The following GIT2 variants were observed in gnomAD, a reference collection of about 807,000 sequenced individuals.
The protein encoded by GIT2 is GIT ArfGAP 2.
GIT2 carries 32 observed loss-of-function variants against 100.3 expected under a neutral mutation model. The observed-to-expected ratio is 0.32, with a 90% CI of 0.24 to 0.43. GIT2 has a LOEUF of 0.43. Among genes scored for constraint, GIT2 ranks in the 20% least tolerant of loss-of-function variants. The probability of loss-of-function intolerance (pLI) is 1.00; values close to 1 mark genes in which losing one functional copy is unlikely to be tolerated. For synonymous variants in GIT2, 353 were observed against 364.1 expected (o/e 0.97, Z 0.35); for missense variants, 737 against 975.1 (o/e 0.76, Z 3.25).
chr12:109,996,030 G>C (rs1889346484), intron 1 of GIT2, 143 bp downstream of exon 1: 1 of 530,256 alleles, frequency 1.9e-6, no homozygotes. Flanking sequence ...ACAGGCCCGG[G>C]ACGGTTCCCA....
At chr12:109,956,776 G>A (rs1424014055) in intron 12 of GIT2, among the ~76,000 whole-genome samples, 1 of 152,034 alleles carries the variant, frequency 6.6e-6, no homozygotes, top group Non-Finnish European at 1.5e-5. Context: ...CAGCACTTTG[G>A]GAGGCTGAGG....
chr12:109,935,206 C>T (rs1392697552), intron 18 of GIT2, among the ~76,000 whole-genome samples: 1 of 152,160 alleles, frequency 6.6e-6, no homozygotes. Flanking sequence ...GAATCACAAA[C>T]CATTTAATAA....
chr12:109,998,638 A>G (rs1176961032), upstream of GIT2: 1 of 152,246 alleles, frequency 6.6e-6, no homozygotes, highest in Non-Finnish European at 1.5e-5. Flanking sequence ...CCTTTCAGCC[A>G]TAACCTCAAA....
upstream of GIT2, chr12:109,996,478 C>A (rs1889458337): frequency 2.1e-6 from 1 of 486,974 alleles, no homozygotes. Flanking sequence ...GCCCGAGTAT[C>A]ATCTGTCCTA....
At chr12:109,952,454 T>C in intron 13 of GIT2, 1 of 517,262 alleles carries the variant, frequency 1.9e-6, no homozygotes, top group South Asian at 1.4e-5. Context: ...TCCCCAGACA[T>C]GGCATCCTGG....
intron 8 of GIT2, among the ~76,000 whole-genome samples, chr12:109,965,954 C>T (rs894314951): frequency 1.3e-5 from 2 of 149,524 alleles, no homozygotes; most frequent in Non-Finnish European, 3.0e-5. Flanking sequence ...AATCCCAGCA[C>T]GTTGGGAGGC....
At chr12:109,996,051 G>C in intron 1 of GIT2, 122 bp downstream of exon 1, 1 of 621,440 alleles carries the variant, frequency 1.6e-6, no homozygotes, top group Non-Finnish European at 2.6e-6. Flanking sequence ...CCCCAAGGCC[G>C]CCCAGGGACC....
Position 109,932,835 on chromosome 12 carries a change from A to G in GIT2, c.*143T>C, listed in dbSNP as rs1202007783. 3 of 614,080 alleles carry G rather than the reference A, an allele frequency of 4.9e-6. No individual in the cohort carries two copies. The African/African-American group carries it at 5.5e-5, about 11-fold the overall frequency. 38.0% of individuals were successfully genotyped at this position (614,080 alleles called of 1,614,324 possible). ...TTGAAAATTGGTTAGAAAACATGCA[A>G]AAATAATACTGAGTTTTCTTTTAAA... On this transcript the variant is annotated 3_prime_UTR_variant, in exon 20 of 20. Coordinates refer to ENST00000355312, the MANE Select transcript of GIT2 (RefSeq NM_057169.5).
intron 16 of GIT2, among the ~76,000 whole-genome samples, chr12:109,941,541 T>G (rs79896132): frequency 6.6e-6 from 1 of 151,932 alleles, no homozygotes; most frequent in East Asian, 1.9e-4. Flanking sequence ...TTTTTTTTTT[T>G]GAGATTGAGT....
At chr12:109,944,936 A>G (rs1398485833) in intron 16 of GIT2, among the ~76,000 whole-genome samples, 2 of 152,188 alleles carry the variant, frequency 1.3e-5, no homozygotes, top group East Asian at 1.9e-4. Context: ...GCCTATTATA[A>G]TATCTAACCA....
Position 109,932,939 on chromosome 12 carries a change from T to C in GIT2, c.*39A>G. ...CGTCTGAATTTGAAATTGGACTTTA[T>C]AAAGCCTAGAAAACAGAGGAGGCGG... is the stretch of plus-strand genomic sequence containing the variant. On this transcript the variant is annotated 3_prime_UTR_variant, in exon 20 of 20. Transcript: ENST00000355312. 8.6e-7 allele frequency: 1 copy of C among 1,160,488 alleles called. No homozygotes were observed. The highest frequency in any genetic ancestry group is 2.4e-5 in the East Asian group (1 of 42,484). 71.9% of individuals were successfully genotyped at this position (1,160,488 alleles called of 1,614,324 possible). A position where few individuals can be genotyped will look rare whatever the true frequency, so the allele number is the denominator to read the frequency against.
chr12:109,952,771 T>C, intron 13 of GIT2: 2 of 460,954 alleles, frequency 4.3e-6, no homozygotes, highest in Non-Finnish European at 8.2e-6. Context: ...TCTCCGCAGT[T>C]CTCTCTCTCC....
intron 7 of GIT2, among the ~76,000 whole-genome samples, chr12:109,975,235 G>T (rs1884779272): frequency 1.3e-5 from 2 of 152,028 alleles, no homozygotes; most frequent in Admixed American, 6.6e-5. Flanking sequence ...GCAGGGTCTT[G>T]CTCTGTTGCC....
chr12:109,951,452 A>C, intron 13 of GIT2, 136 bp from the exon 14 acceptor site: 2 of 667,792 alleles, frequency 3.0e-6, no homozygotes, highest in Non-Finnish European at 5.2e-6. Flanking sequence ...CTCTGAGAGT[A>C]ATGCAAAACT....
chr12:109,952,831 T>A, intron 13 of GIT2: 1 of 540,588 alleles, frequency 1.8e-6, no homozygotes, highest in East Asian at 3.3e-5. Context: ...TTCAGGAGAG[T>A]AATATCCAGA....
intron 4 of GIT2, 90 bp downstream of exon 4, chr12:109,988,873 C>T (rs1422983508): frequency 5.1e-6 from 3 of 587,364 alleles, no homozygotes; most frequent in Non-Finnish European, 8.8e-6. Flanking sequence ...AAAAAAAAAG[C>T]CCACAACCAG....
chr12:109,981,193 T>A (rs1886247545), intron 6 of GIT2, 147 bp from the exon 7 acceptor site: 1 of 642,242 alleles, frequency 1.6e-6, no homozygotes, highest in Non-Finnish European at 2.8e-6. Flanking sequence ...GGTAGATTTC[T>A]GAAGTCTACT....
At chr12:109,974,964 T>C (rs1349840884) in intron 7 of GIT2, among the ~76,000 whole-genome samples, 1 of 152,230 alleles carries the variant, frequency 6.6e-6, no homozygotes, top group Non-Finnish European at 1.5e-5. Flanking sequence ...TGTACACATT[T>C]AGAACTATTA....
At chr12:109,973,582 T>C (rs769823852) in intron 7 of GIT2, among the ~76,000 whole-genome samples, 7 of 152,206 alleles carry the variant, frequency 4.6e-5, no homozygotes, top group Non-Finnish European at 1.0e-4. Context: ...TTTGGTTTCA[T>C]TGATTTTTCG....
Sources: allele counts gnomAD v4.1 joint callset (sites outside exome capture counted in the v4.1 genomes callset), GRCh38; gene constraint gnomAD v4.1.1; transcripts MANE v1.5; gene names NCBI Gene and HGNC (gene_info 2026-07-23, HGNC 2026-07-21).